Variants in RASGRF1 observed in about 807,000 individuals in gnomAD.
RASGRF1 encodes the protein Ras protein specific guanine nucleotide releasing factor 1.
RASGRF1 carries 40 observed loss-of-function variants against 138.7 expected under a neutral mutation model. The ratio of observed to expected loss-of-function variants is 0.29; its 90% CI spans 0.22 to 0.38. RASGRF1 has a LOEUF of 0.38. Among genes scored for constraint, RASGRF1 ranks in the 10% least tolerant of loss-of-function variants. RASGRF1 has a pLI of 1.00. For synonymous variants in RASGRF1, 614 were observed against 663.2 expected (o/e 0.93, Z 1.14); for missense variants, 1,108 against 1,650.4 (o/e 0.67, Z 5.69).
chr15:79,048,815 C>T (rs1012315849), intron 4 of RASGRF1, among the ~76,000 whole-genome samples: 1 of 152,218 alleles, frequency 6.6e-6, no homozygotes, highest in African/African-American at 2.4e-5. Flanking sequence ...ATGCACTCAA[C>T]AAATAGGATT....
chr15:78,976,864 T>C (rs1324620489), intron 24 of RASGRF1, among the ~76,000 whole-genome samples: 3 of 152,258 alleles, frequency 2.0e-5, no homozygotes, highest in Non-Finnish European at 2.9e-5. Flanking sequence ...TGGCTTCCTC[T>C]TCTGGCAGAG....
At chr15:78,987,052 A>G (rs909083948) in intron 22 of RASGRF1, among the ~76,000 whole-genome samples, 29 of 152,380 alleles carry the variant, frequency 1.9e-4, no homozygotes, top group Admixed American at 1.8e-3. Context: ...AGTTTATTCT[A>G]TGAAGCCAGT....
chr15:78,991,617 G>A (rs1017753677), intron 21 of RASGRF1, 74 bp downstream of exon 21: 68 of 1,197,386 alleles, frequency 5.7e-5, no homozygotes, highest in Middle Eastern at 3.8e-4. Flanking sequence ...AATTCACTGC[G>A]TGTGCTTCCA....
intron 2 of RASGRF1, among the ~76,000 whole-genome samples, chr15:79,061,413 A>AAAATATATATATATATATATATAT (rs145875273): frequency 1.7e-5 from 2 of 117,056 alleles, no homozygotes; most frequent in Admixed American, 9.3e-5. Context: ...CTATCTTTAA[A>AAAATATATATATATATATATATAT]ATATATATAT....
chr15:79,000,726 A>AG (rs2056503292), intron 16 of RASGRF1, among the ~76,000 whole-genome samples: 1 of 152,210 alleles, frequency 6.6e-6, no homozygotes, highest in African/African-American at 2.4e-5. Context: ...TAATGCTGTG[A>AG]GGCACATATG....
At chr15:79,074,317 G>T (rs2057803145) in intron 1 of RASGRF1, among the ~76,000 whole-genome samples, 2 of 152,234 alleles carry the variant, frequency 1.3e-5, no homozygotes, top group South Asian at 4.1e-4. Context: ...GGGGAAATTG[G>T]GCTGAGGCTC....
chr15:79,053,395 C>T (rs1233542120), intron 3 of RASGRF1, among the ~76,000 whole-genome samples: 3 of 152,244 alleles, frequency 2.0e-5, no homozygotes, highest in Admixed American at 2.0e-4. Context: ...ATTACAGCCA[C>T]CTGCAAACTC....
chr15:79,079,250 C>A (rs1232979827), intron 1 of RASGRF1, among the ~76,000 whole-genome samples: 2 of 152,192 alleles, frequency 1.3e-5, no homozygotes, highest in East Asian at 3.8e-4. Context: ...CCTCAGCCAG[C>A]CTGCCCTCCC....
chr15:78,971,730 C>T, intron 26 of RASGRF1, 136 bp downstream of exon 26: 1 of 789,680 alleles, frequency 1.3e-6, no homozygotes, highest in Non-Finnish European at 2.2e-6. Context: ...GCCTTCCTTA[C>T]AGGGATGGCA....
At chr15:79,063,661 AT>A (rs1351685770) in intron 2 of RASGRF1, among the ~76,000 whole-genome samples, 1 of 152,122 alleles carries the variant, frequency 6.6e-6, no homozygotes, top group African/African-American at 2.4e-5. Context: ...AGGAGCTTCC[AT>A]TTTTTTAGGC....
At position 78,962,091 on chromosome 15, in the gene RASGRF1, G is replaced by A; in HGVS notation, c.*53C>T. 2.7e-6 allele frequency: 3 copies of A among 1,120,018 alleles called. No homozygotes were observed. Among genetic ancestry groups the A allele is most frequent in the Non-Finnish European group, 4.0e-6 (3 of 751,874 alleles). The allele number at this position is 1,120,018 out of a possible 1,614,324, so 69.4% of individuals were successfully genotyped here. A position where few individuals can be genotyped will look rare whatever the true frequency, so the allele number is the denominator to read the frequency against. ...CAGTGAAACCAAACGAATATGTACA[G>A]TATCATCTAGCACATGTCCCCGGGA... On this transcript the variant is annotated 3_prime_UTR_variant, in exon 27 of 27. Transcript: ENST00000558480.
At chr15:79,002,954 G>A (rs928585695) in intron 15 of RASGRF1, among the ~76,000 whole-genome samples, 1 of 152,242 alleles carries the variant, frequency 6.6e-6, no homozygotes, top group Non-Finnish European at 1.5e-5. Context: ...GTGTGCACGT[G>A]CTCTCATGTG....
intron 1 of RASGRF1, among the ~76,000 whole-genome samples, chr15:79,072,580 A>G (rs1361366001): frequency 6.6e-6 from 1 of 152,084 alleles, no homozygotes; most frequent in Non-Finnish European, 1.5e-5. Flanking sequence ...CGGCCAATAA[A>G]TAATCTTAAT....
intron 26 of RASGRF1, among the ~76,000 whole-genome samples, chr15:78,966,241 T>G (rs1242965233): frequency 6.6e-6 from 1 of 150,480 alleles, no homozygotes; most frequent in African/African-American, 2.4e-5. Flanking sequence ...TTTTTTTTTT[T>G]TTTTTTTTTA....
At chr15:79,002,804 C>T (rs1288438796) in intron 15 of RASGRF1, among the ~76,000 whole-genome samples, 3 of 152,202 alleles carry the variant, frequency 2.0e-5, no homozygotes, top group African/African-American at 7.2e-5. Context: ...TTATCTTGCC[C>T]CAGCTGTGCC....
intron 9 of RASGRF1, 70 bp from the exon 10 acceptor site, chr15:79,025,544 G>A: frequency 6.6e-7 from 1 of 1,519,348 alleles, no homozygotes; most frequent in Non-Finnish European, 8.9e-7. Context: ...CAGCCTTGAA[G>A]GTTGAGATGC....
At position 79,073,149 on chromosome 15, in the gene RASGRF1, T is replaced by C. The variant is rs773098307; in HGVS notation, c.277-8623A>G. ...TATGTGATCAAGGATATAGGATACA[T>C]TCAGATACAGGACCCGAGTCCAAGT... On this transcript the variant is annotated intron_variant, in intron 1 of 26. Transcript: ENST00000558480. The surrounding 1 kb of genome is among the most constrained non-coding windows in gnomAD (Gnocchi z 4.2). 6.6e-6 allele frequency among the ~76,000 whole-genome samples: 1 copy of C among 151,880 alleles called. No homozygotes were observed. The highest frequency in any genetic ancestry group is 1.5e-5 in the Non-Finnish European group (1 of 68,002).
intron 3 of RASGRF1, among the ~76,000 whole-genome samples, chr15:79,056,731 T>G (rs1384727778): frequency 6.6e-6 from 1 of 152,208 alleles, no homozygotes. Flanking sequence ...CAAGTTGATA[T>G]TACTCTTAGT....
chr15:78,971,733 G>T, intron 26 of RASGRF1, 133 bp downstream of exon 26: 1 of 805,890 alleles, frequency 1.2e-6, no homozygotes, highest in African/African-American at 1.7e-5. Flanking sequence ...TTCCTTACAG[G>T]GATGGCATTT....
Sources: allele counts gnomAD v4.1 joint callset (sites outside exome capture counted in the v4.1 genomes callset), GRCh38; gene constraint gnomAD v4.1.1; non-coding constraint Gnocchi (gnomAD v3.1); transcripts MANE v1.5; gene names NCBI Gene and HGNC (gene_info 2026-07-23, HGNC 2026-07-21).